Variants in WASF3 observed in about 807,000 individuals in gnomAD.
WASF3 encodes the protein WASP family member 3.
Under a neutral mutation model 46.6 loss-of-function variants are expected in WASF3, and 11 were observed. The observed-to-expected ratio is 0.24, with a 90% confidence interval of 0.15 to 0.39. WASF3 has a LOEUF of 0.39. Ranked by LOEUF, WASF3 falls within the 10% of genes least tolerant of loss-of-function variation. WASF3 has a pLI of 1.00. For synonymous variants in WASF3, 242 were observed against 259.7 expected (o/e 0.93, Z 0.65); for missense variants, 576 against 669.8 (o/e 0.86, Z 1.55).
In WASF3 at chr13:26,623,963, G is replaced by T. The variant is rs555868623; in HGVS notation, c.-11+10905G>T. On this transcript the variant is annotated intron_variant, in intron 2 of 9. Transcript: ENST00000335327. ...GCCATCTCCCTCAAACCCTGACTAG[G>T]TTGACTCAATCAACCTTAGTAATGG... Among the ~76,000 whole-genome samples, 5 of 152,330 alleles carry T rather than the reference G, an allele frequency of 3.3e-5. No homozygotes were observed. In the East Asian group the frequency reaches 9.7e-4, roughly 29 times the overall value.
chr13:26,653,338 C>A (rs1882371475), intron 3 of WASF3, among the ~76,000 whole-genome samples: 1 of 152,090 alleles, frequency 6.6e-6, no homozygotes, highest in Non-Finnish European at 1.5e-5. Flanking sequence ...TCAGATCATC[C>A]TCTCCCTGTC....
At chr13:26,603,352 A>G (rs965502465) in intron 1 of WASF3, among the ~76,000 whole-genome samples, 1 of 152,204 alleles carries the variant, frequency 6.6e-6, no homozygotes, top group Non-Finnish European at 1.5e-5. Flanking sequence ...GAACCAGGTG[A>G]ATATTCAGGA....
intron 2 of WASF3, among the ~76,000 whole-genome samples, chr13:26,624,754 T>C (rs745689863): frequency 6.6e-6 from 1 of 151,962 alleles, no homozygotes; most frequent in Non-Finnish European, 1.5e-5. Context: ...AATGAAACAT[T>C]ACAAACAGAG....
At chr13:26,633,955 A>G (rs917488539) in intron 2 of WASF3, among the ~76,000 whole-genome samples, 14 of 152,174 alleles carry the variant, frequency 9.2e-5, no homozygotes, top group African/African-American at 3.4e-4. Context: ...GCTGAGAAGA[A>G]TGTATATTCT....
At chr13:26,570,816 T>G (rs916195629) in intron 1 of WASF3, among the ~76,000 whole-genome samples, 4 of 152,204 alleles carry the variant, frequency 2.6e-5, no homozygotes, top group Non-Finnish European at 5.9e-5. Context: ...AATAAAGTCC[T>G]CAAATTTGGA....
At chr13:26,676,365 TGTTG>T (rs573017769) in intron 6 of WASF3, among the ~76,000 whole-genome samples, 180 bp from the exon 7 acceptor site, 155 of 152,338 alleles carry the variant, frequency 1.0e-3, no homozygotes, top group Non-Finnish European at 1.7e-3. Context: ...GATTCTGTTT[TGTTG>T]GTTCTGTTGG....
rs1403829433 is a variant in WASF3, at chr13:26,577,380, A to T, written c.-109+19561A>T. 7 of 770,090 alleles carry T rather than the reference A, an allele frequency of 9.1e-6. No homozygotes were observed. In the East Asian group the frequency reaches 1.7e-4, roughly 19 times the overall value. 47.7% of individuals were successfully genotyped at this position (770,090 alleles called of 1,614,324 possible). A position where few individuals can be genotyped will look rare whatever the true frequency, so the allele number is the denominator to read the frequency against. On this transcript the variant is annotated intron_variant, in intron 1 of 9. Transcript: ENST00000335327. Reference sequence around the variant, plus strand: ...CACCAACAGGTCCGCCAAATCCGGAAGAATATGATGGAAATCAAGACCCGG... The same window carrying T: ...CACCAACAGGTCCGCCAAATCCGGATGAATATGATGGAAATCAAGACCCGG...
intron 3 of WASF3, among the ~76,000 whole-genome samples, chr13:26,649,907 A>T (rs590723): frequency 0.014 from 2,080 of 151,348 alleles, 53 homozygotes; most frequent in African/African-American, 0.047. Flanking sequence ...CCGTCTCTCT[A>T]AAAAAATACA....
intron 1 of WASF3, among the ~76,000 whole-genome samples, chr13:26,584,152 C>T (rs1880062949): frequency 1.3e-5 from 2 of 152,190 alleles, no homozygotes; most frequent in African/African-American, 4.8e-5. Flanking sequence ...TCTCTCTTCC[C>T]TCTCATCATA....
At chr13:26,684,452 T>G (rs1473338278) in intron 9 of WASF3, among the ~76,000 whole-genome samples, 1 of 90,880 alleles carries the variant, frequency 1.1e-5, no homozygotes, top group Admixed American at 1.1e-4. Context: ...ACTATCCAGA[T>G]TAAAGGACAT....
intron 3 of WASF3, among the ~76,000 whole-genome samples, chr13:26,648,535 A>G (rs1420026226): frequency 1.3e-5 from 2 of 152,192 alleles, no homozygotes; most frequent in Admixed American, 1.3e-4. Context: ...GTTTTTAGCC[A>G]AACAAGATTT....
intron 1 of WASF3, among the ~76,000 whole-genome samples, chr13:26,586,611 C>T (rs983994724): frequency 6.6e-6 from 1 of 152,014 alleles, no homozygotes; most frequent in Non-Finnish European, 1.5e-5. Flanking sequence ...GTTTGCTTTT[C>T]TATAAGAACT....
chr13:26,561,256 ATTAGAAGAGGGAAGGC>A (rs1268045900), intron 1 of WASF3, among the ~76,000 whole-genome samples: 1 of 152,092 alleles, frequency 6.6e-6, no homozygotes, highest in Non-Finnish European at 1.5e-5. Flanking sequence ...TGGAGAATGG[ATTAGAAGAGGGAAGGC>A]TTGAAGCAGG....
At chr13:26,631,303 A>G (rs1881644354) in intron 2 of WASF3, among the ~76,000 whole-genome samples, 1 of 152,176 alleles carries the variant, frequency 6.6e-6, no homozygotes, top group Admixed American at 6.5e-5. Context: ...TTATGGTTTT[A>G]GGTCTAACAT....
At chr13:26,570,128 T>A (rs1593371257) in intron 1 of WASF3, among the ~76,000 whole-genome samples, 1 of 152,004 alleles carries the variant, frequency 6.6e-6, no homozygotes, top group East Asian at 1.9e-4. Flanking sequence ...TCTACTAAAA[T>A]TACAAAAAAA....
chr13:26,559,811 T>TCTTTC (rs545438991), intron 1 of WASF3, among the ~76,000 whole-genome samples: 5 of 83,228 alleles, frequency 6.0e-5, no homozygotes, highest in East Asian at 3.5e-4. Flanking sequence ...TTTCTTTCTT[T>TCTTTC]TTTTTTTTTT....
At chr13:26,677,181 AAGAG>A (rs1250629794) in intron 7 of WASF3, among the ~76,000 whole-genome samples, 1 of 152,240 alleles carries the variant, frequency 6.6e-6, no homozygotes, top group Admixed American at 6.5e-5. Flanking sequence ...TGATGAACAA[AAGAG>A]AGATTTACTT....
At chr13:26,655,932 A>G (rs1366625729) in intron 3 of WASF3, among the ~76,000 whole-genome samples, 1 of 152,136 alleles carries the variant, frequency 6.6e-6, no homozygotes, top group Non-Finnish European at 1.5e-5. Flanking sequence ...TTCTAGGTTC[A>G]TGTGGTTTTC....
At chr13:26,624,206 T>G (rs1393917167) in intron 2 of WASF3, among the ~76,000 whole-genome samples, 1 of 152,204 alleles carries the variant, frequency 6.6e-6, no homozygotes, top group African/African-American at 2.4e-5. Flanking sequence ...TAACTGTGAT[T>G]AATGTATTGA....
Sources: allele counts gnomAD v4.1 joint callset (sites outside exome capture counted in the v4.1 genomes callset), GRCh38; gene constraint gnomAD v4.1.1; transcripts MANE v1.5; gene names NCBI Gene and HGNC (gene_info 2026-07-23, HGNC 2026-07-21).